The following HDAC8 variants were observed in gnomAD, a reference collection of about 807,000 sequenced individuals.
The protein encoded by HDAC8 is histone deacetylase-like 1.
Under a neutral mutation model 32.2 loss-of-function variants are expected in HDAC8, and 1 was observed. The ratio of observed to expected loss-of-function variants is 0.03; its 90% CI spans 0.01 to 0.15. HDAC8 has a LOEUF of 0.15. Among genes scored for constraint, HDAC8 ranks in the 10% least tolerant of loss-of-function variants. The pLI, the probability that HDAC8 is intolerant of heterozygous loss-of-function variation, is 1.00. For synonymous variants in HDAC8, 108 were observed against 113.9 expected, an observed-to-expected ratio of 0.95 and a Z score of 0.33; for missense variants, 117 against 300.0, an observed-to-expected ratio of 0.39 and a Z score of 4.51.
chrX:72,359,174 G>C (rs782581804), intron 9 of HDAC8, among the ~76,000 whole-genome samples: 1 of 109,500 alleles, frequency 9.1e-6, no homozygotes, highest in Non-Finnish European at 1.9e-5. Context: ...AGAATCTATA[G>C]GATGGGAGTC....
chrX:72,473,079 C>A (rs188392974), intron 7 of HDAC8, among the ~76,000 whole-genome samples: 77 of 112,454 alleles, frequency 6.8e-4, no homozygotes, highest in South Asian at 1.5e-3. Flanking sequence ...GATAAAGTTA[C>A]TTCTTAATTC....
At chrX:72,499,941 A>T (rs968105814) in intron 4 of HDAC8, among the ~76,000 whole-genome samples, 1 of 111,776 alleles carries the variant, frequency 8.9e-6, no homozygotes, top group Non-Finnish European at 1.9e-5. Flanking sequence ...GAAATGATGA[A>T]GGGAATGTTA....
chrX:72,432,558 T>C (rs2046848369), intron 9 of HDAC8, among the ~76,000 whole-genome samples: 1 of 109,980 alleles, frequency 9.1e-6, no homozygotes, highest in Non-Finnish European at 1.9e-5. Context: ...TTTAGTTATT[T>C]TTTTTTTTTT....
chrX:72,530,671 T>TTCTG (rs782788913), intron 4 of HDAC8, among the ~76,000 whole-genome samples: 6 of 111,076 alleles, frequency 5.4e-5, no homozygotes, highest in African/African-American at 1.3e-4. Flanking sequence ...AGTTAACTGA[T>TTCTG]TCTGTCTGTC....
chrX:72,453,689 A>T (rs781936128), intron 9 of HDAC8, among the ~76,000 whole-genome samples: 3 of 111,679 alleles, frequency 2.7e-5, no homozygotes, highest in South Asian at 3.8e-4. Context: ...AAACCCACAG[A>T]TCCTAGCTCA....
chrX:72,485,316 C>G (rs2048635153), intron 7 of HDAC8, among the ~76,000 whole-genome samples: 1 of 111,572 alleles, frequency 9.0e-6, no homozygotes, highest in African/African-American at 3.3e-5. Context: ...ATTGAATGAT[C>G]TAGGGAGATC....
chrX:72,354,282 C>G (rs151182490), intron 9 of HDAC8, among the ~76,000 whole-genome samples: 1 of 112,228 alleles, frequency 8.9e-6, no homozygotes, highest in East Asian at 2.8e-4. Flanking sequence ...ATGTTATTCC[C>G]AGGTCCTGCT....
chrX:72,335,682 G>A (rs1201022331), intron 10 of HDAC8, among the ~76,000 whole-genome samples: 2 of 111,006 alleles, frequency 1.8e-5, no homozygotes, highest in African/African-American at 3.3e-5. Context: ...AGGCTGAGGC[G>A]GGAGGATCAC....
In HDAC8 at chrX:72,572,752, G is replaced by A. The variant is rs781803174; in HGVS notation, c.10C>T (p.Pro4Ser). The A allele has an allele frequency of 8.3e-7, 1 of 1,208,680 alleles. No individual in the cohort carries two copies. The highest frequency in any genetic ancestry group is 1.1e-6 in the Non-Finnish European group (1 of 893,037). Reference protein sequence around the residue: MEEPEEPADSGQSL... With the variant: MEESEEPADSGQSL... ...TGCCCACTGTCCGCCGGTTCCTCCG[G>A]CTCCTCCATCTTCCGCTTAAAACCG... Residue 4 changes from proline to serine, a missense_variant, in exon 1 of 11, where the codon CCG becomes TCG. Around this residue, in one of 4 missense-constraint regions of HDAC8, gnomAD observed 37 missense variants for 53.1 expected, o/e 0.70. Coordinates refer to ENST00000373573, the MANE Select transcript of HDAC8 (RefSeq NM_018486.3).
intron 4 of HDAC8, among the ~76,000 whole-genome samples, chrX:72,532,713 A>G (rs2147418549): frequency 9.1e-6 from 1 of 110,424 alleles, no homozygotes; most frequent in Non-Finnish European, 1.9e-5. Context: ...TTTTCAATTG[A>G]GTCATTGCTC....
intron 4 of HDAC8, among the ~76,000 whole-genome samples, chrX:72,504,981 G>A (rs1181271090): frequency 9.0e-6 from 1 of 111,176 alleles, no homozygotes; most frequent in Non-Finnish European, 1.9e-5. Flanking sequence ...ATTGTTTTAT[G>A]AGCTTGTTGT....
At chrX:72,517,953 G>A (rs1455513336) in intron 4 of HDAC8, among the ~76,000 whole-genome samples, 1 of 111,569 alleles carries the variant, frequency 9.0e-6, no homozygotes, top group African/African-American at 3.3e-5. Context: ...AGATTGTGTT[G>A]AATCTTTAGG....
chrX:72,557,861 G>C (rs186212872), intron 4 of HDAC8, among the ~76,000 whole-genome samples: 4 of 111,533 alleles, frequency 3.6e-5, no homozygotes, highest in Non-Finnish European at 7.5e-5. Flanking sequence ...GGAAAGAAGA[G>C]AGAAGATCCA....
intron 9 of HDAC8, among the ~76,000 whole-genome samples, chrX:72,396,045 A>T (rs2045752593): frequency 8.9e-6 from 1 of 111,783 alleles, no homozygotes; most frequent in African/African-American, 3.3e-5. Context: ...AGGACTGAGG[A>T]GAAATTTGAG....
intron 4 of HDAC8, among the ~76,000 whole-genome samples, chrX:72,511,324 G>C (rs1385355818): frequency 9.0e-6 from 1 of 111,450 alleles, no homozygotes; most frequent in African/African-American, 3.3e-5. Flanking sequence ...TAATGGTTTA[G>C]ACATCAGTAC....
chrX:72,358,039 G>T (rs2044426022), intron 9 of HDAC8, among the ~76,000 whole-genome samples: 1 of 109,817 alleles, frequency 9.1e-6, no homozygotes. Context: ...CGAGTAGCTG[G>T]GATTATAGGC....
chrX:72,361,798 C>G (rs1381803107), intron 9 of HDAC8, among the ~76,000 whole-genome samples: 1 of 110,232 alleles, frequency 9.1e-6, no homozygotes, highest in African/African-American at 3.3e-5. Context: ...ATAATTATAG[C>G]AAAAGCAGAG....
chrX:72,500,093 C>G (rs1417924392), intron 4 of HDAC8, among the ~76,000 whole-genome samples: 2 of 110,835 alleles, frequency 1.8e-5, no homozygotes, highest in African/African-American at 6.6e-5. Flanking sequence ...AAACTGATAC[C>G]CTAAACAGAC....
At chrX:72,503,810 G>A (rs1255001920) in intron 4 of HDAC8, among the ~76,000 whole-genome samples, 1 of 111,943 alleles carries the variant, frequency 8.9e-6, no homozygotes, top group African/African-American at 3.2e-5. Flanking sequence ...AAGGAACTAA[G>A]GCTGACTTTA....
Sources: gnomAD v4.1 joint callset for allele counts (sites outside exome capture counted in the v4.1 genomes callset) on GRCh38, gnomAD v4.1.1 for gene constraint, gnomAD v4.1.1 regional missense constraint, MANE v1.5 for transcripts, NCBI Gene and HGNC (gene_info 2026-07-23, HGNC 2026-07-21) for gene names.